ABCA4: variants seen among roughly 807,000 people sequenced by gnomAD.
The protein encoded by ABCA4 is retinal-specific phospholipid-transporting ATPase ABCA4.
In ABCA4, 196 loss-of-function variants were observed where a neutral mutation model predicts 263.7. The observed-to-expected ratio is 0.74, with a 90% CI of 0.66 to 0.84. ABCA4 has a LOEUF of 0.84. ABCA4 is among the 40% of genes least tolerant of loss of function. ABCA4 has a pLI of 0.00. For synonymous variants in ABCA4, 1,133 were observed against 1,094.2 expected, an observed-to-expected ratio of 1.04 and a Z score of -0.70; for missense variants, 2,792 against 2,855.1, an observed-to-expected ratio of 0.98 and a Z score of 0.50.
In ABCA4 at chr1:94,041,913, C is replaced by T. The variant is rs561258681; in HGVS notation, c.3329-511G>A. On this transcript the variant is annotated intron_variant, in intron 22 of 49. Coordinates refer to ENST00000370225, the MANE Select transcript of ABCA4 (RefSeq NM_000350.3). ...GAGATCGAGACCATCCTGGCTAACA[C>T]GGTGAAACCCCGTCTCTACTAAAAA... Among the ~76,000 whole-genome samples, 9 of 151,998 alleles carry T rather than the reference C, an allele frequency of 5.9e-5. No individual in the cohort carries two copies. The East Asian group carries it at 7.8e-4, about 13-fold the overall frequency.
At chr1:94,019,283 G>A (rs182391236) in intron 36 of ABCA4, 2 of 311,548 alleles carry the variant, frequency 6.4e-6, no homozygotes, top group Admixed American at 8.8e-5. Flanking sequence ...CCAGACTCAT[G>A]CCTGCGGTGC....
intron 17 of ABCA4, among the ~76,000 whole-genome samples, chr1:94,051,054 GC>G (rs1289589316): frequency 1.3e-5 from 2 of 152,188 alleles, no homozygotes; most frequent in African/African-American, 4.8e-5. Context: ...TAGTAAAGGT[GC>G]CTTTTACCTA....
intron 6 of ABCA4, among the ~76,000 whole-genome samples, chr1:94,085,492 TC>T (rs1661804790): frequency 6.6e-6 from 1 of 152,192 alleles, no homozygotes; most frequent in Non-Finnish European, 1.5e-5. Context: ...TCACTTCCCT[TC>T]TAGAATATTT....
At chr1:94,114,391 A>C (rs1350963569) in intron 1 of ABCA4, among the ~76,000 whole-genome samples, 5 of 152,196 alleles carry the variant, frequency 3.3e-5, no homozygotes, top group Non-Finnish European at 7.3e-5. Flanking sequence ...TTTTTACAAG[A>C]TGTTTTACTC....
At chr1:94,068,843 C>T (rs1661338686) in intron 11 of ABCA4, among the ~76,000 whole-genome samples, 1 of 152,198 alleles carries the variant, frequency 6.6e-6, no homozygotes, top group South Asian at 2.1e-4. Flanking sequence ...TGTCTTAAGG[C>T]CTCAGAGGCA....
In ABCA4 at chr1:94,010,839, AGGAG is replaced by A; in HGVS notation, c.5671_5674del (p.Leu1891Ter). On this transcript the variant is annotated frameshift_variant, in exon 40 of 50. Transcript: ENST00000370225. LOFTEE classifies it high-confidence loss of function. ...GAAGTGGCGCTGGACCAGCAGGGTCAGGAGGAAGTACACCACCCCTTCCACCACC... is the reference window on the plus strand; with the variant it reads ...GAAGTGGCGCTGGACCAGCAGGGTCAGAAGTACACCACCCCTTCCACCACC... The A allele has an allele frequency of 6.2e-7, 1 of 1,614,164 alleles. No individual in the cohort carries two copies. Among genetic ancestry groups the A allele is most frequent in the Non-Finnish European group, 8.5e-7 (1 of 1,180,032 alleles).
intron 13 of ABCA4, among the ~76,000 whole-genome samples, chr1:94,062,227 T>C (rs1009471341): frequency 6.6e-6 from 1 of 152,184 alleles, no homozygotes; most frequent in Non-Finnish European, 1.5e-5. Flanking sequence ...GTGGCAATCA[T>C]TGGGCAAACA....
At position 94,063,114 on chromosome 1, in the gene ABCA4, G is replaced by C. The variant is rs1570393727; in HGVS notation, c.1758C>G (p.Asp586Glu). ...GCGAGCCCTTCCTGAAACATCACCT[G>C]TCTTTAATCTTATTGGTTTTCTCCA... is the stretch of plus-strand genomic sequence containing the variant. ...DVVEKTNKIKDRYWDSGPRAD... is the reference protein window; with the variant it reads ...DVVEKTNKIKERYWDSGPRAD... The change falls in exon 12 of 50, where the codon GAC becomes GAG. Residue 586 changes from aspartate (D) to glutamate (E), a missense_variant and splice_region_variant. Coordinates refer to ENST00000370225, the MANE Select transcript of ABCA4 (RefSeq NM_000350.3). 1.2e-6 allele frequency: 2 copies of C among 1,612,752 alleles called. No homozygotes were observed. Among genetic ancestry groups the C allele is most frequent in the East Asian group, 2.2e-5 (1 of 44,878 alleles).
rs752607057 is a variant in ABCA4 at position 94,025,056 on chromosome 1, A to G, written c.4540-8T>C. 2 of 1,612,336 alleles carry G rather than the reference A, an allele frequency of 1.2e-6. No individual in the cohort carries two copies. Among genetic ancestry groups the G allele is most frequent in the Admixed American group, 1.7e-5 (1 of 60,020 alleles). On this transcript the variant is annotated splice_region_variant and splice_polypyrimidine_tract_variant and intron_variant, in intron 30 of 49. Transcript: ENST00000370225. The stretch of plus-strand genomic sequence containing the variant: ...CGTGCTGCGCTGTGTTCTCTGAGGC[A>G]ATGAGACACCCACGTTAATTACCTT...
intron 49 of ABCA4, among the ~76,000 whole-genome samples, chr1:93,993,948 C>T (rs1658934444): frequency 6.6e-6 from 1 of 152,024 alleles, no homozygotes. Context: ...TGTGGTTTAT[C>T]CCATTATCTG....
intron 1 of ABCA4, among the ~76,000 whole-genome samples, chr1:94,119,915 T>A (rs959069328): frequency 6.6e-6 from 1 of 152,062 alleles, no homozygotes; most frequent in Non-Finnish European, 1.5e-5. Context: ...CAGGTCTCCC[T>A]CCCTTTCCTC....
intron 20 of ABCA4, among the ~76,000 whole-genome samples, chr1:94,044,302 C>T (rs1297497177): frequency 6.6e-6 from 1 of 152,190 alleles, no homozygotes; most frequent in Admixed American, 6.5e-5. Context: ...TCTTTGGTCC[C>T]AGAGAGGAAG....
intron 4 of ABCA4, among the ~76,000 whole-genome samples, chr1:94,107,568 G>A (rs1339346900): frequency 1.3e-5 from 2 of 152,210 alleles, no homozygotes; most frequent in African/African-American, 4.8e-5. Context: ...AGACACAGGA[G>A]AGGGAGCCTC....
intron 3 of ABCA4, among the ~76,000 whole-genome samples, chr1:94,110,700 C>T (rs752502660): frequency 9.9e-5 from 15 of 152,170 alleles, no homozygotes; most frequent in Non-Finnish European, 1.8e-4. Flanking sequence ...CTGTGGGATT[C>T]GACTTGAATT....
At chr1:94,057,313 TTAATAG>T (rs1192435185) in intron 14 of ABCA4, among the ~76,000 whole-genome samples, 2 of 152,248 alleles carry the variant, frequency 1.3e-5, no homozygotes, top group African/African-American at 4.8e-5. Flanking sequence ...AGTTTCTCTT[TTAATAG>T]TATTTATTAT....
intron 20 of ABCA4, 113 bp downstream of exon 20, chr1:94,044,500 T>C (rs1177411719): frequency 5.9e-6 from 9 of 1,512,650 alleles, no homozygotes; most frequent in Non-Finnish European, 8.2e-6. Flanking sequence ...AATAAGAGTC[T>C]GTATCTCTGC....
intron 11 of ABCA4, among the ~76,000 whole-genome samples, chr1:94,065,635 C>T (rs963623414): frequency 6.6e-6 from 1 of 152,146 alleles, no homozygotes; most frequent in Non-Finnish European, 1.5e-5. Flanking sequence ...GCCCTGGGGG[C>T]AGGTCCCATG....
chr1:94,065,720 G>A (rs1188918087), intron 11 of ABCA4, among the ~76,000 whole-genome samples: 1 of 152,210 alleles, frequency 6.6e-6, no homozygotes, highest in African/African-American at 2.4e-5. Flanking sequence ...AGGAACACAG[G>A]TACATGAAAA....
chr1:94,108,294 C>A (rs536339894), intron 4 of ABCA4, among the ~76,000 whole-genome samples: 7 of 152,286 alleles, frequency 4.6e-5, no homozygotes, highest in African/African-American at 1.4e-4. Context: ...AGCCCTTGAC[C>A]TAGCCTCATA....
Sources: allele counts gnomAD v4.1 joint callset (sites outside exome capture counted in the v4.1 genomes callset), GRCh38; gene constraint gnomAD v4.1.1; transcripts MANE v1.5; gene names NCBI Gene and HGNC (gene_info 2026-07-23, HGNC 2026-07-21).